The following CFAP299 variants were observed in gnomAD, a reference collection of about 807,000 sequenced individuals.
CFAP299 encodes the protein cilia and flagella associated protein 299, also known as cilia- and flagella-associated protein 299.
Under a neutral mutation model 27.0 loss-of-function variants are expected in CFAP299, and 21 were observed. The ratio of observed to expected loss-of-function variants is 0.78; its 90% confidence interval spans 0.55 to 1.12. The LOEUF (loss-of-function observed/expected upper bound fraction) is 1.12. Among genes scored for constraint, CFAP299 ranks in the 50% most tolerant of loss-of-function variants. CFAP299 has a pLI of 0.00. For missense variants in CFAP299, 310 were observed against 276.6 expected, an observed-to-expected ratio of 1.12 and a Z score of -0.86; for synonymous variants, 104 against 98.1, an observed-to-expected ratio of 1.06 and a Z score of -0.36.
At chr4:80,447,704 C>T (rs149023998) in intron 2 of CFAP299, among the ~76,000 whole-genome samples, 2,459 of 152,182 alleles carry the variant, frequency 0.016, 60 homozygotes, top group African/African-American at 0.054. Flanking sequence ...CTGCCTGCCT[C>T]GGCCTCCCAA....
At chr4:80,963,485 A>G (rs1000478836) in intron 5 of CFAP299, 32 bp from the exon 6 acceptor site, 6 of 1,441,766 alleles carry the variant, frequency 4.2e-6, no homozygotes, top group East Asian at 4.7e-5. Context: ...ATTTTTATAG[A>G]CTTGACTAAC....
intron 3 of CFAP299, among the ~76,000 whole-genome samples, chr4:80,819,764 T>A (rs925086071): frequency 2.6e-5 from 4 of 152,122 alleles, no homozygotes; most frequent in Non-Finnish European, 5.9e-5. Context: ...TACTATGAGA[T>A]CCTTAATATA....
At chr4:80,485,419 T>G (rs1730764937) in intron 2 of CFAP299, among the ~76,000 whole-genome samples, 1 of 151,866 alleles carries the variant, frequency 6.6e-6, no homozygotes, top group Non-Finnish European at 1.5e-5. Context: ...GGGTTGTTCT[T>G]GACTAAAAGA....
chr4:80,664,395 G>A (rs1223519428), intron 3 of CFAP299, among the ~76,000 whole-genome samples: 2 of 152,122 alleles, frequency 1.3e-5, no homozygotes, highest in African/African-American at 4.8e-5. Flanking sequence ...TTATCTATAA[G>A]CCCATGACTG....
chr4:80,483,291 T>A (rs1269935171), intron 2 of CFAP299, among the ~76,000 whole-genome samples: 1 of 152,206 alleles, frequency 6.6e-6, no homozygotes, highest in East Asian at 1.9e-4. Flanking sequence ...TGTAGAACTA[T>A]AAGATAAGAA....
intron 3 of CFAP299, among the ~76,000 whole-genome samples, chr4:80,857,807 G>A (rs1337573407): frequency 6.6e-6 from 1 of 152,006 alleles, no homozygotes. Flanking sequence ...ATTTGGTTTG[G>A]CAGTATTTTA....
chr4:80,931,090 C>T (rs1736591157), intron 4 of CFAP299, among the ~76,000 whole-genome samples: 1 of 151,966 alleles, frequency 6.6e-6, no homozygotes, highest in Non-Finnish European at 1.5e-5. Flanking sequence ...TAAAAGTGTT[C>T]CCATCCCGAA....
At chr4:80,633,207 G>T (rs2109949884) in intron 3 of CFAP299, among the ~76,000 whole-genome samples, 1 of 152,288 alleles carries the variant, frequency 6.6e-6, no homozygotes, top group South Asian at 2.1e-4. Context: ...CCAACACTTT[G>T]GGAGGCCGAG....
At position 80,734,334 on chromosome 4, in the gene CFAP299, G is replaced by A. The variant is rs578238423; in HGVS notation, c.334-135659G>A. 8.5e-5 allele frequency among the ~76,000 whole-genome samples: 13 copies of A among 152,096 alleles called. No individual in the cohort carries two copies. The East Asian group carries it at 2.5e-3, about 29-fold the overall frequency. On this transcript the variant is annotated intron_variant, in intron 3 of 5. Coordinates refer to ENST00000358105, the MANE Select transcript of CFAP299 (RefSeq NM_152770.3). ...ATATTATTAGATTTTTTCCTATAGA[G>A]TTGTTTGAGCTCCTTCTATATTCGG...
chr4:80,854,952 A>G (rs926576448), intron 3 of CFAP299, among the ~76,000 whole-genome samples: 2 of 152,030 alleles, frequency 1.3e-5, no homozygotes, highest in Non-Finnish European at 2.9e-5. Context: ...TACACTGTGG[A>G]ATCTAAATTT....
intron 4 of CFAP299, among the ~76,000 whole-genome samples, chr4:80,881,821 T>C (rs1449826162): frequency 6.6e-6 from 1 of 151,934 alleles, no homozygotes; most frequent in Non-Finnish European, 1.5e-5. Flanking sequence ...GCTCAGTGAG[T>C]TACAAGAGAA....
intron 3 of CFAP299, among the ~76,000 whole-genome samples, chr4:80,696,305 AAAAAG>A (rs201373799): frequency 1.7e-4 from 26 of 150,858 alleles, no homozygotes; most frequent in Admixed American, 5.3e-4. Context: ...AAAAAAAAAA[AAAAAG>A]AAGAAGTAGA....
chr4:80,409,547 G>A (rs1726605340), intron 2 of CFAP299, among the ~76,000 whole-genome samples: 1 of 152,092 alleles, frequency 6.6e-6, no homozygotes. Flanking sequence ...TTCTACATAG[G>A]TATCATGAAG....
At chr4:80,741,765 A>AAAT (rs1260115232) in intron 3 of CFAP299, among the ~76,000 whole-genome samples, 2 of 152,098 alleles carry the variant, frequency 1.3e-5, no homozygotes. Context: ...AATTGCCTAG[A>AAAT]AATTGTAGTC....
chr4:80,605,023 G>C (rs1737581714), intron 3 of CFAP299, among the ~76,000 whole-genome samples: 1 of 152,134 alleles, frequency 6.6e-6, no homozygotes, highest in Admixed American at 6.6e-5. Flanking sequence ...TTGGCAAGAT[G>C]ATATGTTTTG....
At chr4:80,787,544 C>T (rs1332643893) in intron 3 of CFAP299, among the ~76,000 whole-genome samples, 3 of 151,814 alleles carry the variant, frequency 2.0e-5, no homozygotes, top group East Asian at 1.9e-4. Context: ...TTCCTCACAC[C>T]ACCAAAGAGC....
chr4:80,770,924 TC>T (rs951081523), intron 3 of CFAP299, among the ~76,000 whole-genome samples: 1 of 152,178 alleles, frequency 6.6e-6, no homozygotes, highest in African/African-American at 2.4e-5. Context: ...CCGCAAGCAT[TC>T]CCATGATTTC....
intron 2 of CFAP299, among the ~76,000 whole-genome samples, chr4:80,512,001 A>G (rs1030072397): frequency 2.6e-5 from 4 of 152,166 alleles, no homozygotes; most frequent in African/African-American, 9.6e-5. Flanking sequence ...AACTTTTATA[A>G]GTTTTTTTAA....
At chr4:80,669,665 A>G (rs758674041) in intron 3 of CFAP299, among the ~76,000 whole-genome samples, 10 of 151,314 alleles carry the variant, frequency 6.6e-5, no homozygotes, top group Non-Finnish European at 1.3e-4. Context: ...TTCCTTTTCA[A>G]TTAGAATGTC....
Sources: gnomAD v4.1 joint callset for allele counts (sites outside exome capture counted in the v4.1 genomes callset) on GRCh38, gnomAD v4.1.1 for gene constraint, MANE v1.5 for transcripts, NCBI Gene and HGNC (gene_info 2026-07-23, HGNC 2026-07-21) for gene names.